Variants in IGSF11 observed in about 807,000 individuals in gnomAD.
IGSF11 encodes CXADR like 1.
In IGSF11, 22 loss-of-function variants were observed where a neutral mutation model predicts 41.0. The observed-to-expected ratio is 0.54, with a 90% CI of 0.38 to 0.77. IGSF11 has a LOEUF of 0.77. Ranked by LOEUF, IGSF11 falls within the 30% of genes least tolerant of loss-of-function variation. IGSF11 has a pLI of 0.00. For missense variants in IGSF11, 444 were observed against 530.8 expected (o/e 0.84, Z 1.61); for synonymous variants, 219 against 201.3 (o/e 1.09, Z -0.74).
intron 1 of IGSF11, among the ~76,000 whole-genome samples, chr3:118,972,908 C>A (rs1394261706): frequency 6.6e-6 from 1 of 152,158 alleles, no homozygotes; most frequent in African/African-American, 2.4e-5. Flanking sequence ...GAGTCAGTGA[C>A]CTTCAGGTAA....
chr3:118,989,357 ATT>A (rs11313865), intron 1 of IGSF11, among the ~76,000 whole-genome samples: 9,608 of 147,174 alleles, frequency 0.065, 358 homozygotes, highest in African/African-American at 0.1. Flanking sequence ...CCTTTATAGC[ATT>A]TTTTTTTTTT....
At chr3:119,043,610 A>C (rs768490272) in intron 1 of IGSF11, among the ~76,000 whole-genome samples, 8 of 152,112 alleles carry the variant, frequency 5.3e-5, no homozygotes, top group Non-Finnish European at 1.0e-4. Context: ...CCATTCAAAA[A>C]CTTGGTTGCA....
At chr3:119,026,417 G>A (rs79395601) in intron 1 of IGSF11, among the ~76,000 whole-genome samples, 457 of 152,244 alleles carry the variant, frequency 3.0e-3, no homozygotes, top group Middle Eastern at 6.8e-3. Flanking sequence ...CTTTCGGAAA[G>A]TCTATGTAGT....
chr3:118,984,454 A>G (rs564886793), intron 1 of IGSF11, among the ~76,000 whole-genome samples: 1 of 152,342 alleles, frequency 6.6e-6, no homozygotes, highest in African/African-American at 2.4e-5. Context: ...CCAGAACATT[A>G]AAGAGGTTTA....
At chr3:118,959,530 C>A (rs1945188952) in intron 1 of IGSF11, among the ~76,000 whole-genome samples, 1 of 152,120 alleles carries the variant, frequency 6.6e-6, no homozygotes, top group African/African-American at 2.4e-5. Flanking sequence ...CGTGACCCAA[C>A]CAAACAAAGG....
chr3:119,012,874 G>C (rs1453745909), intron 1 of IGSF11: 1 of 152,230 alleles, frequency 6.6e-6, no homozygotes, highest in Non-Finnish European at 1.5e-5. Context: ...AAAAAAGCAA[G>C]TTTAAGCAAG....
chr3:119,049,777 C>T (rs1941536726), intron 1 of IGSF11, among the ~76,000 whole-genome samples: 1 of 151,336 alleles, frequency 6.6e-6, no homozygotes, highest in Admixed American at 6.6e-5. Flanking sequence ...ACCAAAACAG[C>T]ATGTTACTGG....
At chr3:118,977,899 G>T (rs1006544703) in intron 1 of IGSF11, among the ~76,000 whole-genome samples, 1 of 152,076 alleles carries the variant, frequency 6.6e-6, no homozygotes, top group Non-Finnish European at 1.5e-5. Flanking sequence ...CTGCAACCAG[G>T]CCCAGGTCAA....
chr3:118,936,890 C>T (rs1395128757), intron 1 of IGSF11, among the ~76,000 whole-genome samples: 2 of 152,148 alleles, frequency 1.3e-5, no homozygotes, highest in Non-Finnish European at 2.9e-5. Flanking sequence ...GCCAAGAGAA[C>T]AGACAATGGA....
intron 1 of IGSF11, among the ~76,000 whole-genome samples, chr3:118,953,466 A>G (rs1288578911): frequency 1.3e-5 from 2 of 152,192 alleles, no homozygotes; most frequent in African/African-American, 4.8e-5. Flanking sequence ...TAGTTATTTA[A>G]GGAATCTCCA....
chr3:119,075,351 G>A (rs2076475822), intron 1 of IGSF11, among the ~76,000 whole-genome samples: 1 of 151,334 alleles, frequency 6.6e-6, no homozygotes, highest in African/African-American at 2.5e-5. Flanking sequence ...CTACCAAGCA[G>A]AAAAAATGCT....
At chr3:119,138,937 A>G (rs2107547533) in intron 1 of IGSF11, among the ~76,000 whole-genome samples, 1 of 152,296 alleles carries the variant, frequency 6.6e-6, no homozygotes, top group African/African-American at 2.4e-5. Flanking sequence ...GAAGGAATGA[A>G]TAAGACCTAG....
intron 1 of IGSF11, among the ~76,000 whole-genome samples, chr3:119,023,884 T>C (rs1939565744): frequency 6.6e-6 from 1 of 152,198 alleles, no homozygotes; most frequent in Non-Finnish European, 1.5e-5. Flanking sequence ...GTTTATAGAA[T>C]ATTTGTTAGA....
At chr3:119,007,370 C>T (rs1171118587) in intron 1 of IGSF11, among the ~76,000 whole-genome samples, 2 of 145,160 alleles carry the variant, frequency 1.4e-5, no homozygotes, top group Non-Finnish European at 1.5e-5. Context: ...GTCTGGCACT[C>T]CCTAGTGAGA....
At chr3:118,923,862 C>T (rs1942058494) in intron 4 of IGSF11, among the ~76,000 whole-genome samples, 1 of 152,144 alleles carries the variant, frequency 6.6e-6, no homozygotes, top group African/African-American at 2.4e-5. Flanking sequence ...TACGTGATAG[C>T]AGTTTGTCAC....
At chr3:118,978,731 A>C (rs1213025897) in intron 1 of IGSF11, among the ~76,000 whole-genome samples, 1 of 152,202 alleles carries the variant, frequency 6.6e-6, no homozygotes, top group Non-Finnish European at 1.5e-5. Context: ...CCCAGAATCA[A>C]GCCAAAGTGC....
chr3:118,959,325 T>C (rs151115775), intron 1 of IGSF11, among the ~76,000 whole-genome samples: 19 of 152,290 alleles, frequency 1.2e-4, no homozygotes, highest in African/African-American at 2.2e-4. Flanking sequence ...AAGGAAGAGA[T>C]AGACATGGCT....
intron 1 of IGSF11, among the ~76,000 whole-genome samples, chr3:119,125,606 C>A (rs1469003866): frequency 6.6e-6 from 1 of 152,120 alleles, no homozygotes; most frequent in African/African-American, 2.4e-5. Context: ...TACATTATCA[C>A]AAGGGCGGGG....
chr3:119,128,726 T>A (rs1203634147), intron 1 of IGSF11, among the ~76,000 whole-genome samples: 1 of 152,144 alleles, frequency 6.6e-6, no homozygotes, highest in Non-Finnish European at 1.5e-5. Context: ...GGAGTGTAAA[T>A]TAGTTCAACC....
Sources: gnomAD v4.1 joint callset for allele counts (sites outside exome capture counted in the v4.1 genomes callset) on GRCh38, gnomAD v4.1.1 for gene constraint, MANE v1.5 for transcripts, NCBI Gene and HGNC (gene_info 2026-07-23, HGNC 2026-07-21) for gene names.